The following CNTNAP5 variants were observed in gnomAD, a reference collection of about 807,000 sequenced individuals.
The protein encoded by CNTNAP5 is contactin-associated protein-like 5.
CNTNAP5 carries 72 observed loss-of-function variants against 150.2 expected under a neutral mutation model. The observed-to-expected ratio is 0.48, with a 90% CI of 0.40 to 0.58. CNTNAP5 has a LOEUF of 0.58. CNTNAP5 is among the 20% of genes least tolerant of loss of function. CNTNAP5 has a pLI of 0.00. For missense variants in CNTNAP5, 1,636 were observed against 1,626.2 expected, an observed-to-expected ratio of 1.01 and a Z score of -0.10; for synonymous variants, 672 against 619.8, an observed-to-expected ratio of 1.08 and a Z score of -1.25.
chr2:124,213,748 G>A (rs562612425), intron 1 of CNTNAP5, among the ~76,000 whole-genome samples: 1 of 151,812 alleles, frequency 6.6e-6, no homozygotes, highest in South Asian at 2.1e-4. Flanking sequence ...TCTAACCTGA[G>A]AATCAAAACA....
chr2:124,810,775 G>A (rs1682198158), intron 19 of CNTNAP5, among the ~76,000 whole-genome samples: 1 of 152,072 alleles, frequency 6.6e-6, no homozygotes, highest in Admixed American at 6.5e-5. Context: ...AGCTGGGCAT[G>A]CTATTGCCCT....
intron 1 of CNTNAP5, among the ~76,000 whole-genome samples, chr2:124,154,975 G>A (rs1056978135): frequency 1.3e-5 from 2 of 151,354 alleles, no homozygotes; most frequent in African/African-American, 2.4e-5. Context: ...ACTAACACAT[G>A]AATCTTTTCT....
At chr2:124,061,345 G>C (rs1433467908) in intron 1 of CNTNAP5, among the ~76,000 whole-genome samples, 1 of 152,072 alleles carries the variant, frequency 6.6e-6, no homozygotes, top group Non-Finnish European at 1.5e-5. Context: ...TTTAACCAAA[G>C]TTTCAGTAAT....
intron 3 of CNTNAP5, among the ~76,000 whole-genome samples, chr2:124,250,023 AGATT>A (rs1687135032): frequency 6.6e-6 from 1 of 151,652 alleles, no homozygotes; most frequent in African/African-American, 2.4e-5. Context: ...TTTCTTATAT[AGATT>A]ATCTCAGCTT....
chr2:124,390,731 C>T (rs1379200427), intron 3 of CNTNAP5, among the ~76,000 whole-genome samples: 1 of 152,010 alleles, frequency 6.6e-6, no homozygotes, highest in East Asian at 1.9e-4. Flanking sequence ...ATTATTTGGC[C>T]AAACCCTTAT....
At chr2:124,510,510 T>C (rs1182691625) in intron 8 of CNTNAP5, among the ~76,000 whole-genome samples, 1,799 of 124,482 alleles carry the variant, frequency 0.014, 186 homozygotes, top group East Asian at 0.092. Context: ...TATATATATA[T>C]ATATATATAC....
At chr2:124,893,109 C>A (rs1278024478) in intron 21 of CNTNAP5, among the ~76,000 whole-genome samples, 1 of 152,120 alleles carries the variant, frequency 6.6e-6, no homozygotes, top group Non-Finnish European at 1.5e-5. Context: ...GGAGCATTAA[C>A]AATTACAAAA....
intron 17 of CNTNAP5, among the ~76,000 whole-genome samples, chr2:124,784,744 T>C (rs941268483): frequency 2.6e-5 from 4 of 152,216 alleles, no homozygotes; most frequent in East Asian, 3.8e-4. Context: ...AGGAGCTACA[T>C]GCAGGCTTTG....
intron 5 of CNTNAP5, 70 bp from the exon 6 acceptor site, chr2:124,446,683 G>C (rs1264111367): frequency 1.4e-5 from 21 of 1,466,500 alleles, no homozygotes; most frequent in East Asian, 2.3e-5. Context: ...GCTTTTGCTT[G>C]TGGAGCATTC....
At chr2:124,839,154 T>A (rs1352188928) in intron 19 of CNTNAP5, among the ~76,000 whole-genome samples, 2 of 152,064 alleles carry the variant, frequency 1.3e-5, no homozygotes, top group Non-Finnish European at 2.9e-5. Flanking sequence ...TGGTGCTCCT[T>A]CCAGTAGAGT....
At chr2:124,183,028 C>T (rs955588803) in intron 1 of CNTNAP5, among the ~76,000 whole-genome samples, 3 of 152,164 alleles carry the variant, frequency 2.0e-5, no homozygotes, top group African/African-American at 7.2e-5. Context: ...GAAGACCCTC[C>T]ACCTTTTGCT....
intron 1 of CNTNAP5, among the ~76,000 whole-genome samples, chr2:124,213,619 C>T (rs1177741182): frequency 6.6e-6 from 1 of 152,166 alleles, no homozygotes; most frequent in East Asian, 1.9e-4. Context: ...TTGTAAACAA[C>T]ATAGCTCTTG....
intron 1 of CNTNAP5, among the ~76,000 whole-genome samples, chr2:124,086,831 T>G (rs1239842686): frequency 2.0e-5 from 3 of 151,610 alleles, no homozygotes; most frequent in Non-Finnish European, 4.4e-5. Flanking sequence ...TATATTAGAA[T>G]TTAACATTTA....
Position 124,639,921 on chromosome 2 carries a change from T to A in CNTNAP5, c.1877-7837T>A, listed in dbSNP as rs150790667. ...ACTGAGTATGGGGGGAATGGTATCT[T>A]GTTCCCACCCACTCCCCCCTTTGCT... On this transcript the variant is annotated intron_variant, in intron 12 of 23. Coordinates refer to ENST00000682447, the MANE Select transcript of CNTNAP5 (RefSeq NM_001367498.1). Among the ~76,000 whole-genome samples the A allele has an allele frequency of 1.7e-3, 257 of 152,222 alleles. 2 individuals carry two copies. Among genetic ancestry groups the A allele is most frequent in the African/African-American group, 5.8e-3 (242 of 41,550 alleles).
chr2:124,629,820 C>A (rs1604806), intron 12 of CNTNAP5, among the ~76,000 whole-genome samples: 1 of 139,318 alleles, frequency 7.2e-6, no homozygotes, highest in Non-Finnish European at 1.5e-5. Flanking sequence ...AGACTGCTAG[C>A]AAGACTAACA....
chr2:124,446,690 A>C, intron 5 of CNTNAP5, 63 bp from the exon 6 acceptor site: 1 of 1,515,084 alleles, frequency 6.6e-7, no homozygotes, highest in Non-Finnish European at 9.0e-7. Flanking sequence ...CTTGTGGAGC[A>C]TTCTGGTGTG....
intron 1 of CNTNAP5, among the ~76,000 whole-genome samples, chr2:124,116,566 G>A (rs1015497037): frequency 6.6e-6 from 1 of 152,190 alleles, no homozygotes; most frequent in African/African-American, 2.4e-5. Context: ...ACCTGTGCAT[G>A]AAGCACTGCA....
At chr2:124,735,593 T>A (rs1216232431) in intron 13 of CNTNAP5, among the ~76,000 whole-genome samples, 1 of 152,232 alleles carries the variant, frequency 6.6e-6, no homozygotes, top group Non-Finnish European at 1.5e-5. Context: ...TGATTTATAC[T>A]ATTTTAATAT....
At chr2:124,871,179 T>C (rs1677738430) in intron 21 of CNTNAP5, among the ~76,000 whole-genome samples, 1 of 152,170 alleles carries the variant, frequency 6.6e-6, no homozygotes, top group Admixed American at 6.6e-5. Context: ...CAGACTTTTC[T>C]ATCTTCTGCC....
Sources: allele counts gnomAD v4.1 joint callset (sites outside exome capture counted in the v4.1 genomes callset), GRCh38; gene constraint gnomAD v4.1.1; transcripts MANE v1.5; gene names NCBI Gene and HGNC (gene_info 2026-07-23, HGNC 2026-07-21).